The following GLI2 variants were observed in gnomAD, a reference collection of about 807,000 sequenced individuals.
GLI2 encodes GLI family zinc finger 2, also known as transcription activator GLI2.
GLI2 carries 22 observed loss-of-function variants against 78.9 expected under a neutral mutation model. The ratio of observed to expected loss-of-function variants is 0.28; its 90% CI spans 0.20 to 0.40. The LOEUF is 0.40. Among genes scored for constraint, GLI2 ranks in the 10% least tolerant of loss-of-function variants. GLI2 has a pLI of 1.00. For synonymous variants in GLI2, 974 were observed against 963.7 expected (o/e 1.01, Z -0.20); for missense variants, 2,097 against 2,213.2 (o/e 0.95, Z 1.05).
chr2:120,955,718 A>G (rs865876328), intron 5 of GLI2, among the ~76,000 whole-genome samples: 2 of 152,206 alleles, frequency 1.3e-5, no homozygotes, highest in African/African-American at 2.4e-5. Flanking sequence ...GGAATTACGT[A>G]TGAAAGTAGC....
chr2:120,904,706 C>T (rs1218489411), intron 2 of GLI2, among the ~76,000 whole-genome samples: 1 of 152,222 alleles, frequency 6.6e-6, no homozygotes, highest in African/African-American at 2.4e-5. Flanking sequence ...GCCCTGGAGC[C>T]ACCCCAGAGA....
intron 2 of GLI2, among the ~76,000 whole-genome samples, chr2:120,821,597 G>A (rs1685779788): frequency 6.6e-6 from 1 of 152,132 alleles, no homozygotes; most frequent in Non-Finnish European, 1.5e-5. Flanking sequence ...ACTCTCAGTG[G>A]GACACCTGGT....
chr2:120,989,987 C>G lies in GLI2; in HGVS notation c.4022C>G (p.Pro1341Arg). The change falls in exon 14 of 14, where the codon CCG becomes CGG. Residue 1341 changes from proline (P) to arginine (R), a missense_variant. Pro to Arg is a moderately radical substitution (Grantham distance 103). Around this residue, in one of 5 missense-constraint regions of GLI2, gnomAD observed 1,290 missense variants for 1,261.7 expected, o/e 1.02. Coordinates refer to ENST00000361492, the MANE Select transcript of GLI2 (RefSeq NM_001374353.1). ...GGCTTCATGGAGCCCCAAACAGGCC[C>G]GATGGGGGTGGCTACAGCAGGCTTT... is the stretch of plus-strand genomic sequence containing the variant. The part of the protein sequence containing the change: ...QPGFMEPQTG[P>R]MGVATAGFGL... 7 of 1,610,190 alleles carry G rather than the reference C, an allele frequency of 4.3e-6. No homozygotes were observed. The highest frequency in any genetic ancestry group is 5.9e-6 in the Non-Finnish European group (7 of 1,178,582).
At chr2:120,929,084 G>A (rs57989930) in intron 3 of GLI2, among the ~76,000 whole-genome samples, 1 of 152,174 alleles carries the variant, frequency 6.6e-6, no homozygotes, top group Admixed American at 6.5e-5. Flanking sequence ...AAGAGTACTG[G>A]CCAGTTACTA....
At chr2:120,875,032 G>T (rs1033631506) in intron 2 of GLI2, among the ~76,000 whole-genome samples, 2 of 152,232 alleles carry the variant, frequency 1.3e-5, no homozygotes, top group Non-Finnish European at 2.9e-5. Flanking sequence ...CCATAAAACG[G>T]TGAGGTGACC....
chr2:120,892,466 G>A (rs1677729287), intron 2 of GLI2, among the ~76,000 whole-genome samples: 1 of 152,244 alleles, frequency 6.6e-6, no homozygotes. Flanking sequence ...AGGGGCTGCA[G>A]AGGGGAGAGT....
chr2:120,773,931 T>TTCCTTCCCTCCC (rs1380796572), intron 1 of GLI2, among the ~76,000 whole-genome samples: 1 of 70,676 alleles, frequency 1.4e-5, no homozygotes, highest in African/African-American at 7.1e-5. Context: ...CCTTCCTTCC[T>TTCCTTCCCTCCC]TCCCTCCCTC....
chr2:120,860,527 G>A (rs1687856562), intron 2 of GLI2, among the ~76,000 whole-genome samples: 2 of 152,222 alleles, frequency 1.3e-5, no homozygotes, highest in Admixed American at 6.5e-5. Context: ...CTACAGCAGC[G>A]GTCACTGACC....
chr2:120,947,661 C>A (rs1303438566), intron 3 of GLI2, among the ~76,000 whole-genome samples: 1 of 152,162 alleles, frequency 6.6e-6, no homozygotes, highest in African/African-American at 2.4e-5. Flanking sequence ...TGCATATAAA[C>A]CCCCTACCAG....
chr2:120,878,220 C>G (rs1224376019), intron 2 of GLI2, among the ~76,000 whole-genome samples: 2 of 152,212 alleles, frequency 1.3e-5, no homozygotes, highest in Admixed American at 6.5e-5. Flanking sequence ...TTATGTGTAT[C>G]CTCCCTCCCA....
chr2:120,876,514 C>T lies in GLI2; in HGVS notation c.149-50847C>T, dbSNP rs530382444. ...GCAGCGAAGATAAATGAGATCAAAT[C>T]TCACCAGGAGGAAGATTTAAAAATC... On this transcript the variant is annotated intron_variant, in intron 2 of 13. Transcript: ENST00000361492. 3.9e-5 allele frequency among the ~76,000 whole-genome samples: 6 copies of T among 152,094 alleles called. No individual in the cohort carries two copies. The South Asian group carries it at 8.3e-4, about 21-fold the overall frequency.
chr2:120,858,585 T>C (rs1687765936), intron 2 of GLI2, among the ~76,000 whole-genome samples: 1 of 152,154 alleles, frequency 6.6e-6, no homozygotes, highest in South Asian at 2.1e-4. Context: ...AGCTGCTGAG[T>C]TGCTGGAGGG....
chr2:120,885,819 C>T (rs374866114), intron 2 of GLI2, among the ~76,000 whole-genome samples: 47 of 152,264 alleles, frequency 3.1e-4, no homozygotes, highest in African/African-American at 1.1e-3. Context: ...CTCCCCTCTA[C>T]CTGGTCATGT....
intron 2 of GLI2, among the ~76,000 whole-genome samples, chr2:120,919,452 G>A (rs1679262916): frequency 6.6e-6 from 1 of 152,228 alleles, no homozygotes; most frequent in South Asian, 2.1e-4. Flanking sequence ...GCGAGTGCTG[G>A]CCAGGGTCCC....
At position 120,846,399 on chromosome 2, in the gene GLI2, G is replaced by T. The variant is rs143798550; in HGVS notation, c.148+48931G>T. 8.5e-5 allele frequency among the ~76,000 whole-genome samples: 13 copies of T among 152,332 alleles called. No individual in the cohort carries two copies. The East Asian group carries it at 2.1e-3, about 25-fold the overall frequency. ...CCATAACTGGCTGGGCCTGGGAGGT[G>T]CCCAGGTATCTGCATCGTTAGAGCA... On this transcript the variant is annotated intron_variant, in intron 2 of 13. Coordinates refer to ENST00000361492, the MANE Select transcript of GLI2 (RefSeq NM_001374353.1).
rs1682987821 is a variant in GLI2 at position 120,986,547 on chromosome 2, T to G, written c.2175T>G (p.Asp725Glu). The change falls in exon 13 of 14, where the codon GAT becomes GAG. Residue 725 changes from aspartate to glutamate, a missense_variant. Asp to Glu is a conservative substitution (Grantham distance 45). Around this residue, in one of 5 missense-constraint regions of GLI2, gnomAD observed 1,290 missense variants for 1,261.7 expected, o/e 1.02. Transcript: ENST00000361492. ...AGGAGAAGCTCAAGTCACTCAAGGA[T>G]TCCTGCTCATGGGCCGGGCCGACTC... ...LKKEKLKSLK[D>E]SCSWAGPTPH... 1.2e-6 allele frequency: 2 copies of G among 1,614,134 alleles called. No homozygotes were observed. The highest frequency in any genetic ancestry group is 2.7e-5 in the African/African-American group (2 of 75,048).
At chr2:120,824,687 T>C (rs1685954537) in intron 2 of GLI2, among the ~76,000 whole-genome samples, 1 of 152,152 alleles carries the variant, frequency 6.6e-6, no homozygotes, top group African/African-American at 2.4e-5. Flanking sequence ...CAGCTGGTCT[T>C]TGAGGATGTA....
intron 2 of GLI2, among the ~76,000 whole-genome samples, chr2:120,842,110 A>C (rs1686915119): frequency 6.6e-6 from 1 of 151,230 alleles, no homozygotes; most frequent in Non-Finnish European, 1.5e-5. Flanking sequence ...ATGAGATTGA[A>C]ACCAAAAAAA....
At chr2:120,956,441 C>T (rs1681266374) in intron 5 of GLI2, among the ~76,000 whole-genome samples, 1 of 152,100 alleles carries the variant, frequency 6.6e-6, no homozygotes, top group Non-Finnish European at 1.5e-5. Flanking sequence ...ACAGGGACAC[C>T]TGTGACCCTC....
Sources: gnomAD v4.1 joint callset for allele counts (sites outside exome capture counted in the v4.1 genomes callset) on GRCh38, gnomAD v4.1.1 for gene constraint, gnomAD v4.1.1 regional missense constraint, MANE v1.5 for transcripts, NCBI Gene and HGNC (gene_info 2026-07-23, HGNC 2026-07-21) for gene names.